TBL1XR1: variants seen among roughly 807,000 people sequenced by gnomAD.
The protein encoded by TBL1XR1 is TBL1X/Y related 1, also known as F-box-like/WD repeat-containing protein TBL1XR1.
Under a neutral mutation model 66.9 loss-of-function variants are expected in TBL1XR1, and 5 were observed. That is an observed-to-expected ratio of 0.07 (90% CI 0.04 to 0.16). The LOEUF (loss-of-function observed/expected upper bound fraction) is 0.16. Ranked by LOEUF, TBL1XR1 falls within the 10% of genes least tolerant of loss-of-function variation. The pLI, the probability that TBL1XR1 is intolerant of heterozygous loss-of-function variation, is 1.00. For missense variants in TBL1XR1, 238 were observed against 623.2 expected (o/e 0.38, Z 6.58); for synonymous variants, 210 against 206.0 (o/e 1.02, Z -0.17).
chr3:177,047,084 G>C (rs1330292692), intron 9 of TBL1XR1, among the ~76,000 whole-genome samples: 1 of 152,050 alleles, frequency 6.6e-6, no homozygotes, highest in Non-Finnish European at 1.5e-5. Flanking sequence ...TCAAATTCCA[G>C]GTAAAATTAA....
intron 1 of TBL1XR1, among the ~76,000 whole-genome samples, chr3:177,158,542 A>T (rs896830488): frequency 6.6e-6 from 1 of 152,024 alleles, no homozygotes; most frequent in African/African-American, 2.4e-5. Flanking sequence ...AGGAATTTAA[A>T]ACAAGACTAC....
At chr3:177,195,689 A>G (rs1298719097) in intron 1 of TBL1XR1, 1 of 151,846 alleles carries the variant, frequency 6.6e-6, no homozygotes, top group Admixed American at 6.6e-5. Flanking sequence ...GAGGGGGAAG[A>G]TCACTTAATT....
At chr3:177,168,730 A>G (rs1733119094) in intron 1 of TBL1XR1, among the ~76,000 whole-genome samples, 1 of 152,218 alleles carries the variant, frequency 6.6e-6, no homozygotes, top group African/African-American at 2.4e-5. Context: ...GCTATAATAA[A>G]CATATACTTT....
At chr3:177,141,315 A>C (rs917212065) in intron 1 of TBL1XR1, among the ~76,000 whole-genome samples, 1 of 152,178 alleles carries the variant, frequency 6.6e-6, no homozygotes, top group Non-Finnish European at 1.5e-5. Flanking sequence ...ACTGATTTTG[A>C]TTTCTAAAAA....
At chr3:177,050,422 T>C (rs904618751) in intron 6 of TBL1XR1, 56 bp downstream of exon 6, 94 of 1,588,268 alleles carry the variant, frequency 5.9e-5, no homozygotes, top group Non-Finnish European at 7.7e-5. Flanking sequence ...CATATGTTTA[T>C]AAAATGTTCA....
intron 10 of TBL1XR1, among the ~76,000 whole-genome samples, chr3:177,040,638 T>A (rs1427952759): frequency 1.4e-5 from 2 of 147,520 alleles, no homozygotes; most frequent in East Asian, 3.9e-4. Flanking sequence ...ATACTGAGAT[T>A]TTTTTTTTTT....
intron 2 of TBL1XR1, among the ~76,000 whole-genome samples, chr3:177,084,144 G>A (rs1170161377): frequency 2.0e-5 from 3 of 151,300 alleles, no homozygotes; most frequent in Admixed American, 1.3e-4. Flanking sequence ...AAAATACAAC[G>A]GACATATACT....
intron 2 of TBL1XR1, among the ~76,000 whole-genome samples, chr3:177,077,051 C>T (rs1432626256): frequency 6.6e-6 from 1 of 152,170 alleles, no homozygotes; most frequent in Non-Finnish European, 1.5e-5. Context: ...GAGCAGACAA[C>T]TGGAAGAGAG....
At chr3:177,194,409 T>G (rs1211478864) in intron 1 of TBL1XR1, among the ~76,000 whole-genome samples, 1 of 152,200 alleles carries the variant, frequency 6.6e-6, no homozygotes, top group African/African-American at 2.4e-5. Flanking sequence ...CTGCCATGCC[T>G]CTCCCCTGAC....
intron 1 of TBL1XR1, among the ~76,000 whole-genome samples, chr3:177,164,809 C>T (rs1732633657): frequency 6.6e-6 from 1 of 152,174 alleles, no homozygotes; most frequent in Admixed American, 6.5e-5. Flanking sequence ...TGACATTTTT[C>T]ACATCTTCTG....
Position 177,100,607 on chromosome 3 carries a change from T to A in TBL1XR1, c.-121-2066A>T, listed in dbSNP as rs536503889. ...GCCTGGCCAATTTTGGTATTTTTAG[T>A]AGAGACGGGGTTTCACTATGTTGGC... On this transcript the variant is annotated intron_variant, in intron 1 of 15. Transcript: ENST00000457928. Among the ~76,000 whole-genome samples, 179 of 152,192 alleles carry A rather than the reference T, an allele frequency of 1.2e-3. 1 individual carries two copies. The highest frequency in any genetic ancestry group is 4.2e-3 in the African/African-American group (173 of 41,538).
At chr3:177,177,391 A>C (rs1734287530) in intron 1 of TBL1XR1, among the ~76,000 whole-genome samples, 1 of 152,344 alleles carries the variant, frequency 6.6e-6, no homozygotes, top group South Asian at 2.1e-4. Context: ...CAGAGGTTGC[A>C]GTGAACCGAG....
chr3:177,071,226 T>A (rs1719970221), intron 2 of TBL1XR1, among the ~76,000 whole-genome samples: 1 of 151,954 alleles, frequency 6.6e-6, no homozygotes, highest in East Asian at 1.9e-4. Flanking sequence ...GAGACGGGGT[T>A]TCATCTAAGA....
At chr3:177,191,277 A>G (rs565229256) in intron 1 of TBL1XR1, among the ~76,000 whole-genome samples, 2 of 152,338 alleles carry the variant, frequency 1.3e-5, no homozygotes, top group East Asian at 3.9e-4. Flanking sequence ...AATAAATTAC[A>G]CTGTCAGTAG....
rs1169635879 is a variant in TBL1XR1, at chr3:177,025,132, G to C, written c.*366C>G. On this transcript the variant is annotated 3_prime_UTR_variant, in exon 16 of 16. Coordinates refer to ENST00000457928, the MANE Select transcript of TBL1XR1 (RefSeq NM_024665.7). The stretch of plus-strand genomic sequence containing the variant: ...AAAAAGAATATAATCCATGGTGTCT[G>C]CTGATTCAAAGGGGAGAAACAAGGC... 1 of 218,248 alleles carries C rather than the reference G, an allele frequency of 4.6e-6. No homozygotes were observed. The highest frequency in any genetic ancestry group is 9.0e-6 in the Non-Finnish European group (1 of 111,696). The allele number at this position is 218,248 out of a possible 1,614,324, so 13.5% of individuals were successfully genotyped here.
intron 3 of TBL1XR1, among the ~76,000 whole-genome samples, chr3:177,054,640 A>G (rs1309506647): frequency 6.6e-6 from 1 of 152,196 alleles, no homozygotes; most frequent in East Asian, 1.9e-4. Context: ...TAGGAAAACT[A>G]AAATAATAAA....
intron 2 of TBL1XR1, among the ~76,000 whole-genome samples, chr3:177,065,725 G>C (rs989626426): frequency 5.3e-5 from 8 of 152,180 alleles, no homozygotes; most frequent in Admixed American, 2.6e-4. Flanking sequence ...GGAGAGGTCA[G>C]GAAACTTTTA....
intron 1 of TBL1XR1, among the ~76,000 whole-genome samples, chr3:177,152,053 C>T (rs961101984): frequency 6.6e-6 from 1 of 152,128 alleles, no homozygotes; most frequent in African/African-American, 2.4e-5. Context: ...CTACTGAATA[C>T]AATTTGTTCC....
chr3:177,181,444 C>A (rs1160688953), intron 1 of TBL1XR1, among the ~76,000 whole-genome samples: 3 of 147,328 alleles, frequency 2.0e-5, no homozygotes, highest in African/African-American at 7.5e-5. Context: ...CATGCCACCA[C>A]ACTCCAGCCT....
Sources: allele counts gnomAD v4.1 joint callset (sites outside exome capture counted in the v4.1 genomes callset), GRCh38; gene constraint gnomAD v4.1.1; transcripts MANE v1.5; gene names NCBI Gene and HGNC (gene_info 2026-07-23, HGNC 2026-07-21).